The following CNOT6L variants were observed in gnomAD, a reference collection of about 807,000 sequenced individuals.
CNOT6L encodes the protein CCR4-NOT transcription complex subunit 6-like.
A neutral mutation model predicts 64.0 loss-of-function variants in CNOT6L; 7 were observed. The ratio of observed to expected loss-of-function variants is 0.11; its 90% CI spans 0.06 to 0.21. The LOEUF (loss-of-function observed/expected upper bound fraction) is 0.21. Ranked by LOEUF, CNOT6L falls within the 10% of genes least tolerant of loss-of-function variation. The pLI is 1.00. For missense variants in CNOT6L, 245 were observed against 669.0 expected, an observed-to-expected ratio of 0.37 and a Z score of 6.99; for synonymous variants, 193 against 243.4, an observed-to-expected ratio of 0.79 and a Z score of 1.93.
In CNOT6L at chr4:77,727,868, G is replaced by A. The variant is rs1722044762; in HGVS notation, c.1252+986C>T. Reference sequence around the variant, plus strand: ...ATAAACAATGATTTCAGCATTATTTGCTAAGAAGAAAAAGATGTTTTCAAG... The same window carrying A: ...ATAAACAATGATTTCAGCATTATTTACTAAGAAGAAAAAGATGTTTTCAAG... On this transcript the variant is annotated intron_variant, in intron 10 of 11. Transcript: ENST00000504123. 3.3e-5 allele frequency among the ~76,000 whole-genome samples: 5 copies of A among 152,158 alleles called. No homozygotes were observed. In the South Asian group the frequency reaches 1.0e-3, roughly 32 times the overall value.
chr4:77,785,616 AAAG>A (rs1177617557), intron 1 of CNOT6L, among the ~76,000 whole-genome samples: 2 of 152,238 alleles, frequency 1.3e-5, no homozygotes, highest in African/African-American at 4.8e-5. Context: ...CAGATACTTC[AAAG>A]AAGATACACG....
chr4:77,781,068 A>T (rs1728803827), intron 1 of CNOT6L, among the ~76,000 whole-genome samples: 1 of 152,198 alleles, frequency 6.6e-6, no homozygotes. Context: ...TTCCCAGCAA[A>T]CTAACACAGG....
intron 4 of CNOT6L, among the ~76,000 whole-genome samples, chr4:77,757,984 G>A (rs1200883990): frequency 1.3e-5 from 2 of 152,206 alleles, no homozygotes; most frequent in African/African-American, 2.4e-5. Flanking sequence ...ACAGGCATGA[G>A]CCACTCTGCT....
intron 1 of CNOT6L, among the ~76,000 whole-genome samples, chr4:77,790,877 C>G (rs961537798): frequency 2.7e-5 from 4 of 148,908 alleles, no homozygotes; most frequent in Non-Finnish European, 5.9e-5. Context: ...CCAGGCTGGT[C>G]TCGAACACTC....
chr4:77,718,516 T>A lies in CNOT6L; in HGVS notation c.*1915A>T, dbSNP rs1720975527. On this transcript the variant is annotated 3_prime_UTR_variant, in exon 12 of 12. Transcript: ENST00000504123. ...GTTTATCCTGGTACTTTAACATTTT[T>A]AAAAGATATTTTATTTACATCAAAA... 1.3e-5 allele frequency: 2 copies of A among 152,582 alleles called. No homozygotes were observed. Among genetic ancestry groups the A allele is most frequent in the African/African-American group, 4.8e-5 (2 of 41,446 alleles). The allele number at this position is 152,582 out of a possible 1,614,324, so 9.5% of individuals were successfully genotyped here.
chr4:77,815,320 A>G (rs1003684290), intron 1 of CNOT6L, among the ~76,000 whole-genome samples: 14 of 152,200 alleles, frequency 9.2e-5, no homozygotes, highest in Admixed American at 7.2e-4. Flanking sequence ...GAGACCCACT[A>G]AAGGTTACAG....
intron 4 of CNOT6L, among the ~76,000 whole-genome samples, chr4:77,772,157 A>G (rs6850111): frequency 0.79 from 119,783 of 152,174 alleles, 48,003 homozygotes; most frequent in Non-Finnish European, 0.86. Flanking sequence ...AATCACATCA[A>G]TGCTATTTTA....
At chr4:77,723,944 T>C (rs1721561120) in intron 11 of CNOT6L, among the ~76,000 whole-genome samples, 2 of 152,130 alleles carry the variant, frequency 1.3e-5, no homozygotes, top group Non-Finnish European at 1.5e-5. Flanking sequence ...TTTTTATTTA[T>C]GGACAAGGAA....
intron 5 of CNOT6L, among the ~76,000 whole-genome samples, chr4:77,754,888 T>TAAAAAACAAAAAAAAAAAA (rs1725294755): frequency 2.7e-5 from 1 of 36,956 alleles, no homozygotes; most frequent in Non-Finnish European, 4.7e-5. Flanking sequence ...ACATTAGAAG[T>TAAAAAACAAAAAAAAAAAA]AAAAAAAAAA....
At chr4:77,767,057 C>G (rs1295599575) in intron 4 of CNOT6L, among the ~76,000 whole-genome samples, 15 of 105,716 alleles carry the variant, frequency 1.4e-4, no homozygotes, top group Non-Finnish European at 2.3e-4. Context: ...AGCGAAACTC[C>G]GTCTCAAAAA....
intron 4 of CNOT6L, among the ~76,000 whole-genome samples, chr4:77,759,032 C>T (rs934217684): frequency 8.6e-5 from 13 of 151,976 alleles, no homozygotes; most frequent in Admixed American, 7.2e-4. Context: ...CTTACCACTA[C>T]ATCAACACCT....
intron 1 of CNOT6L, among the ~76,000 whole-genome samples, chr4:77,778,143 T>A (rs1214705615): frequency 1.3e-5 from 2 of 152,206 alleles, no homozygotes; most frequent in African/African-American, 4.8e-5. Context: ...TTCTACCATA[T>A]TCAGCCTATA....
chr4:77,787,136 G>A (rs897082307), intron 1 of CNOT6L, among the ~76,000 whole-genome samples: 3 of 152,104 alleles, frequency 2.0e-5, no homozygotes, highest in South Asian at 2.1e-4. Context: ...GTGTGGTGGC[G>A]GGCACCTATA....
chr4:77,751,431 A>C (rs1271921713), intron 5 of CNOT6L, among the ~76,000 whole-genome samples: 1 of 152,182 alleles, frequency 6.6e-6, no homozygotes, highest in African/African-American at 2.4e-5. Context: ...GATTAGTATT[A>C]TCAGAGTTCC....
At chr4:77,797,853 G>C (rs1338095786) in intron 1 of CNOT6L, among the ~76,000 whole-genome samples, 1 of 152,136 alleles carries the variant, frequency 6.6e-6, no homozygotes, top group East Asian at 1.9e-4. Context: ...GTTCAACATG[G>C]ATCACAGGCC....
chr4:77,730,801 GTA>G (rs2109891663), intron 9 of CNOT6L, among the ~76,000 whole-genome samples: 1 of 152,186 alleles, frequency 6.6e-6, no homozygotes, highest in South Asian at 2.1e-4. Context: ...TGCTTAAAAT[GTA>G]CTAGTAAACA....
chr4:77,786,642 A>T (rs1729481656), intron 1 of CNOT6L, among the ~76,000 whole-genome samples: 1 of 151,552 alleles, frequency 6.6e-6, no homozygotes, highest in Non-Finnish European at 1.5e-5. Context: ...ACGCCTGGCT[A>T]ATTTTTGTAT....
chr4:77,730,535 C>T (rs1357813614), intron 9 of CNOT6L, among the ~76,000 whole-genome samples: 1 of 151,736 alleles, frequency 6.6e-6, no homozygotes, highest in Middle Eastern at 3.4e-3. Flanking sequence ...AAAAAAAGTA[C>T]CAAACTTTGG....
intron 1 of CNOT6L, among the ~76,000 whole-genome samples, chr4:77,787,070 G>A (rs894859442): frequency 3.9e-5 from 6 of 151,942 alleles, no homozygotes; most frequent in South Asian, 4.2e-4. Context: ...GTTCAAGACC[G>A]GCCTGGCCAA....
Sources: gnomAD v4.1 joint callset for allele counts (sites outside exome capture counted in the v4.1 genomes callset) on GRCh38, gnomAD v4.1.1 for gene constraint, MANE v1.5 for transcripts, NCBI Gene and HGNC (gene_info 2026-07-23, HGNC 2026-07-21) for gene names.